Variants in PRKG1 observed in about 807,000 individuals in gnomAD.
PRKG1 encodes the protein cGMP-dependent protein kinase 1.
Under a neutral mutation model 88.1 loss-of-function variants are expected in PRKG1, and 35 were observed. The ratio of observed to expected loss-of-function variants is 0.40; its 90% CI spans 0.30 to 0.53. PRKG1 has a LOEUF of 0.53. Ranked by LOEUF, PRKG1 falls within the 20% of genes least tolerant of loss-of-function variation. PRKG1 has a pLI of 0.59. For synonymous variants in PRKG1, 303 were observed against 292.5 expected (o/e 1.04, Z -0.37); for missense variants, 540 against 839.8 (o/e 0.64, Z 4.41).
At chr10:51,071,781 A>G (rs555468012), upstream of PRKG1, among the ~76,000 whole-genome samples, 5 of 152,334 alleles carry the variant, frequency 3.3e-5, no homozygotes, top group African/African-American at 7.2e-5. Flanking sequence ...CAGACTTTCT[A>G]CAAATGAGGA....
chr10:52,006,757 A>C (rs1844746368), intron 5 of PRKG1, among the ~76,000 whole-genome samples: 1 of 152,230 alleles, frequency 6.6e-6, no homozygotes. Context: ...CAACATTCAA[A>C]TCTAGGAAAT....
intron 2 of PRKG1, among the ~76,000 whole-genome samples, chr10:51,425,341 A>G (rs751167911): frequency 1.3e-5 from 2 of 152,182 alleles, no homozygotes; most frequent in East Asian, 1.9e-4. Context: ...TCGGTAATCA[A>G]TGTTTTGTCT....
intron 2 of PRKG1, among the ~76,000 whole-genome samples, chr10:51,217,687 G>C (rs1838408040): frequency 6.6e-6 from 1 of 151,956 alleles, no homozygotes; most frequent in Non-Finnish European, 1.5e-5. Context: ...TTAGTTCTGG[G>C]CTCACACAGA....
At chr10:51,313,079 G>GTT (rs1389477939) in intron 2 of PRKG1, among the ~76,000 whole-genome samples, 1 of 151,820 alleles carries the variant, frequency 6.6e-6, no homozygotes, top group African/African-American at 2.4e-5. Flanking sequence ...CAGTGTGTGT[G>GTT]TGTGTGTGTG....
chr10:52,278,060 T>G (rs1420732862), intron 12 of PRKG1, among the ~76,000 whole-genome samples: 3 of 151,962 alleles, frequency 2.0e-5, no homozygotes, highest in Non-Finnish European at 4.4e-5. Context: ...TTGCAATCTA[T>G]CCATCTGACA....
chr10:51,729,083 C>A (rs1444515411), intron 3 of PRKG1, among the ~76,000 whole-genome samples: 1 of 152,108 alleles, frequency 6.6e-6, no homozygotes, highest in Non-Finnish European at 1.5e-5. Flanking sequence ...AGGCCATCAG[C>A]AAAATGGAAA....
chr10:51,073,489 T>TC (rs1843866399), upstream of PRKG1, among the ~76,000 whole-genome samples: 2 of 152,070 alleles, frequency 1.3e-5, no homozygotes, highest in South Asian at 4.2e-4. Context: ...CCCCACCCTC[T>TC]CCCCGCCAAA....
Position 52,024,378 on chromosome 10 carries a change from G to A in PRKG1, c.763-30106G>A, listed in dbSNP as rs1001147845. On this transcript the variant is annotated intron_variant, in intron 5 of 17. Transcript: ENST00000373980. ...AAGTTCTAGGGTACATGTGCACAAC[G>A]TGCAGGTTTTTAACATGTGTATACA... Among the ~76,000 whole-genome samples, 12 of 149,906 alleles carry A rather than the reference G, an allele frequency of 8.0e-5. No homozygotes were observed. In the East Asian group the frequency reaches 9.8e-4, roughly 12 times the overall value.
At chr10:51,561,313 A>G (rs1187206920) in intron 3 of PRKG1, among the ~76,000 whole-genome samples, 1 of 151,816 alleles carries the variant, frequency 6.6e-6, no homozygotes. Flanking sequence ...CTGGGTGACA[A>G]GAGAGACAGA....
chr10:51,535,495 C>A (rs977070020), intron 3 of PRKG1, among the ~76,000 whole-genome samples: 1 of 152,146 alleles, frequency 6.6e-6, no homozygotes, highest in African/African-American at 2.4e-5. Context: ...GTCTTATGAT[C>A]TGATTCACAT....
intron 3 of PRKG1, among the ~76,000 whole-genome samples, chr10:51,699,849 G>A (rs1841418198): frequency 1.3e-5 from 2 of 152,132 alleles, no homozygotes; most frequent in Non-Finnish European, 2.9e-5. Flanking sequence ...CGACACGCTT[G>A]GTACGAGATG....
intron 3 of PRKG1, among the ~76,000 whole-genome samples, chr10:51,722,094 G>A (rs1228675431): frequency 6.6e-6 from 1 of 152,104 alleles, no homozygotes; most frequent in Non-Finnish European, 1.5e-5. Context: ...GCTGGGCATG[G>A]TGGTAGGCAC....
chr10:51,761,163 C>T (rs762050675), intron 3 of PRKG1, among the ~76,000 whole-genome samples: 2 of 152,196 alleles, frequency 1.3e-5, no homozygotes, highest in Non-Finnish European at 2.9e-5. Flanking sequence ...CACCAATTAT[C>T]TCTTTGTTAA....
chr10:51,491,663 T>C (rs947546650), intron 3 of PRKG1, among the ~76,000 whole-genome samples: 2 of 152,068 alleles, frequency 1.3e-5, no homozygotes, highest in African/African-American at 4.8e-5. Flanking sequence ...TAATACTATG[T>C]TAGATTATTT....
intron 2 of PRKG1, among the ~76,000 whole-genome samples, chr10:51,367,115 T>C (rs893173915): frequency 2.0e-5 from 3 of 151,984 alleles, no homozygotes; most frequent in Non-Finnish European, 2.9e-5. Flanking sequence ...CAGTTTCATT[T>C]AGAAACTAAG....
At chr10:52,153,487 G>T (rs1300954957) in intron 8 of PRKG1, among the ~76,000 whole-genome samples, 1 of 152,178 alleles carries the variant, frequency 6.6e-6, no homozygotes, top group Non-Finnish European at 1.5e-5. Flanking sequence ...CACTTTGAAA[G>T]AACACTGTGG....
At chr10:51,193,413 T>G (rs2132043639) in intron 2 of PRKG1, among the ~76,000 whole-genome samples, 1 of 152,108 alleles carries the variant, frequency 6.6e-6, no homozygotes, top group South Asian at 2.1e-4. Context: ...GGTGGATTGT[T>G]ATTATATATA....
At chr10:52,156,760 C>G (rs972251496) in intron 8 of PRKG1, among the ~76,000 whole-genome samples, 8 of 151,796 alleles carry the variant, frequency 5.3e-5, no homozygotes, top group African/African-American at 1.9e-4. Flanking sequence ...TGTGTCAAAA[C>G]AATGAAGGAT....
intron 5 of PRKG1, among the ~76,000 whole-genome samples, chr10:51,960,653 C>G (rs1284592334): frequency 6.6e-6 from 1 of 152,076 alleles, no homozygotes; most frequent in Non-Finnish European, 1.5e-5. Flanking sequence ...GTACCAGAGT[C>G]TTAAGAAATC....
Sources: gnomAD v4.1 joint callset for allele counts (sites outside exome capture counted in the v4.1 genomes callset) on GRCh38, gnomAD v4.1.1 for gene constraint, MANE v1.5 for transcripts, NCBI Gene and HGNC (gene_info 2026-07-23, HGNC 2026-07-21) for gene names.